ACAD11: variants seen among roughly 807,000 people sequenced by gnomAD.
ACAD11 encodes the protein acyl-Coenzyme A dehydrogenase family, member 11.
Under a neutral mutation model 102.2 loss-of-function variants are expected in ACAD11, and 83 were observed. That is an observed-to-expected ratio of 0.81 (90% CI 0.68 to 0.97). The LOEUF is 0.97. Ranked by LOEUF, ACAD11 falls within the 50% of genes least tolerant of loss-of-function variation. ACAD11 has a pLI of 0.00. For synonymous variants in ACAD11, 324 were observed against 319.8 expected (o/e 1.01, Z -0.14); for missense variants, 901 against 951.7 (o/e 0.95, Z 0.70).
chr3:132,633,640 G>GA (rs1247685338), intron 5 of ACAD11, among the ~76,000 whole-genome samples: 90 of 152,222 alleles, frequency 5.9e-4, no homozygotes, highest in African/African-American at 2.0e-3. Context: ...AATAGTTTCA[G>GA]AAGGAATGGT....
At position 132,575,825 on chromosome 3, in the gene ACAD11, T is replaced by C. The variant is rs1223028476; in HGVS notation, c.1948A>G (p.Met650Val). Residue 650 changes from methionine to valine, a missense_variant, in exon 17 of 20, where the codon ATG becomes GTG. Transcript: ENST00000264990. ...VGLAERALQI[M>V]CERATQRIAF... ...ATCCTTTGTGTTGCCCGCTCACACATGATCTGCAAAGCGCGTTCCGCCAAA... is the reference window on the plus strand; with the variant it reads ...ATCCTTTGTGTTGCCCGCTCACACACGATCTGCAAAGCGCGTTCCGCCAAA... 4 of 1,613,956 alleles carry C rather than the reference T, an allele frequency of 2.5e-6. No individual in the cohort carries two copies. The highest frequency in any genetic ancestry group is 1.7e-5 in the Admixed American group (1 of 59,986).
In ACAD11 at chr3:132,656,424, T is replaced by C. The variant is rs774130118; in HGVS notation, c.149+3179A>G. On this transcript the variant is annotated intron_variant, in intron 1 of 19. Transcript: ENST00000264990. Reference sequence around the variant, plus strand: ...AAGATCATGTTGAGTTATTTTTCAATAGCAGCTATACTAATTCACACCCCT... The same window carrying C: ...AAGATCATGTTGAGTTATTTTTCAACAGCAGCTATACTAATTCACACCCCT... 4.6e-5 allele frequency among the ~76,000 whole-genome samples: 7 copies of C among 152,244 alleles called. No homozygotes were observed. In the South Asian group the frequency reaches 8.3e-4, roughly 18 times the overall value.
chr3:132,641,731 A>AG (rs1559974134), intron 4 of ACAD11, among the ~76,000 whole-genome samples: 9 of 151,028 alleles, frequency 6.0e-5, no homozygotes, highest in South Asian at 4.2e-4. Context: ...AAGAAGAAGA[A>AG]AAAACTGTAT....
chr3:132,647,587 T>A (rs1940762389), intron 1 of ACAD11: 1 of 152,176 alleles, frequency 6.6e-6, no homozygotes, highest in Non-Finnish European at 1.5e-5. Context: ...CATGGCAGCA[T>A]CAGATGAGTT....
At chr3:132,659,428 C>T in intron 1 of ACAD11, 175 bp downstream of exon 1, 1 of 811,008 alleles carries the variant, frequency 1.2e-6, no homozygotes, top group East Asian at 3.0e-5. Flanking sequence ...ATTGGGAAGC[C>T]CCCAGCATCG....
intron 8 of ACAD11, among the ~76,000 whole-genome samples, chr3:132,627,503 T>G (rs1268922053): frequency 1.3e-5 from 2 of 152,196 alleles, no homozygotes; most frequent in African/African-American, 4.8e-5. Context: ...ATTCTTACTA[T>G]TAATATATGC....
chr3:132,559,256 C>T (rs1936974809), intron 19 of ACAD11, among the ~76,000 whole-genome samples, 171 bp from the exon 20 acceptor site: 1 of 152,080 alleles, frequency 6.6e-6, no homozygotes, highest in South Asian at 2.1e-4. Context: ...TCTGCAATGC[C>T]ATCTTAAAGT....
intron 1 of ACAD11, among the ~76,000 whole-genome samples, chr3:132,655,489 T>G (rs1576629279): frequency 1.3e-5 from 2 of 152,220 alleles, no homozygotes; most frequent in Non-Finnish European, 2.9e-5. Context: ...CTCAACACAC[T>G]GGGCACACAT....
At chr3:132,628,641 T>G (rs1460628224) in intron 7 of ACAD11, among the ~76,000 whole-genome samples, 195 bp from the exon 8 acceptor site, 7 of 152,178 alleles carry the variant, frequency 4.6e-5, no homozygotes. Flanking sequence ...ATCATACAGT[T>G]CACATACTCT....
chr3:132,608,208 T>C (rs1446929077), intron 11 of ACAD11, among the ~76,000 whole-genome samples: 2 of 152,066 alleles, frequency 1.3e-5, no homozygotes, highest in African/African-American at 2.4e-5. Context: ...ATAAAGAAAC[T>C]GCATCAACTA....
chr3:132,636,818 G>T (rs1402520301), intron 5 of ACAD11, among the ~76,000 whole-genome samples: 1 of 152,118 alleles, frequency 6.6e-6, no homozygotes, highest in Admixed American at 6.5e-5. Flanking sequence ...AGAGAACTTT[G>T]AGGGGCATGG....
At chr3:132,578,178 G>A (rs771043104) in intron 15 of ACAD11, among the ~76,000 whole-genome samples, 1 of 152,140 alleles carries the variant, frequency 6.6e-6, no homozygotes, top group Non-Finnish European at 1.5e-5. Context: ...GGCCAACATG[G>A]TGAAAGCCCG....
chr3:132,653,438 A>G (rs1377981769), intron 1 of ACAD11, among the ~76,000 whole-genome samples: 1 of 152,132 alleles, frequency 6.6e-6, no homozygotes, highest in Non-Finnish European at 1.5e-5. Context: ...ATTTCTATCT[A>G]AGGGCAACCC....
intron 13 of ACAD11, among the ~76,000 whole-genome samples, chr3:132,588,220 T>C (rs1442406234): frequency 1.3e-5 from 2 of 152,076 alleles, no homozygotes; most frequent in African/African-American, 2.4e-5. Flanking sequence ...TATGTATGTA[T>C]GTATGCATGT....
intron 1 of ACAD11, among the ~76,000 whole-genome samples, chr3:132,652,764 G>T (rs566371442): frequency 6.6e-6 from 1 of 152,246 alleles, no homozygotes; most frequent in East Asian, 1.9e-4. Context: ...CTAAGCAAAG[G>T]TGTGATCTAA....
At chr3:132,582,227 T>G (rs746917613) in intron 13 of ACAD11, among the ~76,000 whole-genome samples, 1 of 151,894 alleles carries the variant, frequency 6.6e-6, no homozygotes, top group Non-Finnish European at 1.5e-5. Flanking sequence ...AAATTGTCAT[T>G]ATTCAAATTG....
intron 11 of ACAD11, among the ~76,000 whole-genome samples, chr3:132,610,961 G>C (rs1239724476): frequency 1.1e-4 from 16 of 152,054 alleles, no homozygotes; most frequent in Non-Finnish European, 1.5e-5. Context: ...TAACATTGAT[G>C]CAAAAATCCT....
chr3:132,644,051 T>G (rs1340018681), intron 2 of ACAD11, among the ~76,000 whole-genome samples: 1 of 152,200 alleles, frequency 6.6e-6, no homozygotes, highest in Non-Finnish European at 1.5e-5. Flanking sequence ...TACTTCATGT[T>G]TCTGGGAATA....
intron 13 of ACAD11, among the ~76,000 whole-genome samples, chr3:132,582,221 TGTC>T (rs1286190496): frequency 6.6e-6 from 1 of 151,900 alleles, no homozygotes; most frequent in Non-Finnish European, 1.5e-5. Context: ...TGAGTGAAAT[TGTC>T]ATTATTCAAA....
Sources: gnomAD v4.1 joint callset for allele counts (sites outside exome capture counted in the v4.1 genomes callset) on GRCh38, gnomAD v4.1.1 for gene constraint, MANE v1.5 for transcripts, NCBI Gene and HGNC (gene_info 2026-07-23, HGNC 2026-07-21) for gene names.